MICAL3: variants seen among roughly 807,000 people sequenced by gnomAD.
MICAL3 encodes the protein [F-actin]-monooxygenase MICAL3.
MICAL3 carries 62 observed loss-of-function variants against 207.4 expected under a neutral mutation model. The observed-to-expected ratio is 0.30, with a 90% CI of 0.24 to 0.37. The LOEUF (loss-of-function observed/expected upper bound fraction) is 0.37. Ranked by LOEUF, MICAL3 falls within the 10% of genes least tolerant of loss-of-function variation. The pLI, the probability that MICAL3 is intolerant of heterozygous loss-of-function variation, is 1.00. For missense variants in MICAL3, 2,368 were observed against 2,635.6 expected (o/e 0.90, Z 2.22); for synonymous variants, 1,077 against 1,069.3 (o/e 1.01, Z -0.14).
intron 29 of MICAL3, among the ~76,000 whole-genome samples, chr22:17,795,079 C>T (rs1033541936): frequency 2.6e-5 from 4 of 152,200 alleles, no homozygotes; most frequent in Admixed American, 6.5e-5. Context: ...TCCAGCGTGG[C>T]GTACCTTGGG....
chr22:17,823,113 G>A lies in MICAL3; in HGVS notation c.3194-53C>T. 9.7e-6 allele frequency: 12 copies of A among 1,238,850 alleles called. No individual in the cohort carries two copies. In the South Asian group the frequency reaches 1.2e-4, roughly 12 times the overall value. The allele number at this position is 1,238,850 out of a possible 1,614,324, so 76.7% of individuals were successfully genotyped here. ...GAAGAAAAGGAGGACAGACAGACAG[G>A]CTGCATCTTCACGGGGGCGAGAGGT... On this transcript the variant is annotated intron_variant, in intron 22 of 31. Coordinates refer to ENST00000441493, the MANE Select transcript of MICAL3 (RefSeq NM_015241.3).
At chr22:17,835,142 G>A (rs918002667) in intron 20 of MICAL3, among the ~76,000 whole-genome samples, 4 of 152,202 alleles carry the variant, frequency 2.6e-5, no homozygotes, top group Non-Finnish European at 4.4e-5. Flanking sequence ...GCCCACAGCC[G>A]TGTCGCACCA....
chr22:17,963,321 A>T (rs1935001931), intron 1 of MICAL3, among the ~76,000 whole-genome samples: 1 of 152,110 alleles, frequency 6.6e-6, no homozygotes, highest in Non-Finnish European at 1.5e-5. Flanking sequence ...CATGTTGCCC[A>T]AGCTGGACAC....
intron 25 of MICAL3, 54 bp from the exon 26 acceptor site, chr22:17,819,183 C>T: frequency 1.4e-6 from 2 of 1,420,540 alleles, no homozygotes; most frequent in South Asian, 1.9e-5. Context: ...TCACGACCAG[C>T]AGCATCCTCG....
chr22:17,962,096 G>C (rs1412972625), intron 1 of MICAL3, among the ~76,000 whole-genome samples: 2 of 152,210 alleles, frequency 1.3e-5, no homozygotes, highest in African/African-American at 4.8e-5. Context: ...GGAGAGAGGG[G>C]TAGGTCTGTC....
chr22:17,838,432 C>CT (rs1923629001), intron 20 of MICAL3, among the ~76,000 whole-genome samples: 1 of 152,238 alleles, frequency 6.6e-6, no homozygotes, highest in Non-Finnish European at 1.5e-5. Flanking sequence ...GGCCCTGCCC[C>CT]TGGCCCTGTG....
At chr22:17,992,764 G>A (rs574498281) in intron 1 of MICAL3, among the ~76,000 whole-genome samples, 37 of 152,152 alleles carry the variant, frequency 2.4e-4, no homozygotes, top group African/African-American at 8.7e-4. Flanking sequence ...GTCTTTTTCT[G>A]CCCCATTCCT....
At chr22:17,876,730 G>GGGAGGTTAGGGAGGTTAT (rs1928410258) in intron 16 of MICAL3, 1 of 147,452 alleles carries the variant, frequency 6.8e-6, no homozygotes, top group Admixed American at 6.9e-5. Flanking sequence ...ATGGAGGTTA[G>GGGAGGTTAGGGAGGTTAT]GGAGCTTATG....
chr22:17,928,710 TTA>T (rs771850928), intron 1 of MICAL3, among the ~76,000 whole-genome samples: 12 of 152,208 alleles, frequency 7.9e-5, no homozygotes, highest in Non-Finnish European at 1.5e-4. Context: ...TACCGTGGCT[TTA>T]TATATTGTGT....
chr22:18,001,148 C>T (rs896858374), intron 1 of MICAL3: 1 of 152,106 alleles, frequency 6.6e-6, no homozygotes, highest in Non-Finnish European at 1.5e-5. Context: ...GGGGCTTCCT[C>T]GCGCCCCGCC....
At chr22:17,898,581 G>A (rs956052218) in intron 7 of MICAL3, among the ~76,000 whole-genome samples, 2 of 152,246 alleles carry the variant, frequency 1.3e-5, no homozygotes, top group African/African-American at 4.8e-5. Context: ...AGGACTCCCT[G>A]AAATTCAGCT....
intron 1 of MICAL3, among the ~76,000 whole-genome samples, chr22:17,962,117 TTGCTGAC>T (rs917674955): frequency 6.6e-6 from 1 of 152,198 alleles, no homozygotes; most frequent in African/African-American, 2.4e-5. Flanking sequence ...AATCGAGTGC[TTGCTGAC>T]TGCACATATC....
At chr22:17,936,671 C>A (rs1263741969) in intron 1 of MICAL3, among the ~76,000 whole-genome samples, 2 of 151,800 alleles carry the variant, frequency 1.3e-5, no homozygotes, top group African/African-American at 2.4e-5. Context: ...CAATGCCCAC[C>A]TAAAGGCTTA....
rs180965247 is a variant in MICAL3, at chr22:18,007,086, C to T, written c.-75+17195G>A. 2.6e-5 allele frequency: 4 copies of T among 152,306 alleles called. No individual in the cohort carries two copies. In the East Asian group the frequency reaches 7.7e-4, roughly 29 times the overall value. The allele number at this position is 152,306 out of a possible 1,614,324, so 9.4% of individuals were successfully genotyped here. Reference sequence around the variant, plus strand: ...GGCCAGGCTGGTCTTGAACTCCTGACCTCAGGTGAACTGCCCTCCTCAGCC... The same window carrying T: ...GGCCAGGCTGGTCTTGAACTCCTGATCTCAGGTGAACTGCCCTCCTCAGCC... On this transcript the variant is annotated intron_variant, in intron 1 of 31. Transcript: ENST00000441493.
At chr22:17,798,171 G>A (rs927094992) in intron 29 of MICAL3, among the ~76,000 whole-genome samples, 3 of 152,194 alleles carry the variant, frequency 2.0e-5, no homozygotes, top group Non-Finnish European at 4.4e-5. Context: ...TTTATGAGCC[G>A]AGCCACCATT....
chr22:17,822,657 C>A (rs12160832), intron 23 of MICAL3, among the ~76,000 whole-genome samples: 5,789 of 152,302 alleles, frequency 0.038, 347 homozygotes, highest in African/African-American at 0.13. Context: ...GATGCAGAAC[C>A]CATCTCCAGG....
At chr22:17,855,553 C>G (rs887953969) in intron 19 of MICAL3, among the ~76,000 whole-genome samples, 2 of 152,210 alleles carry the variant, frequency 1.3e-5, no homozygotes, top group African/African-American at 4.8e-5. Context: ...GAAGGGCTTA[C>G]TCTTCATAAC....
chr22:17,895,554 G>A, intron 9 of MICAL3, 144 bp from the exon 10 acceptor site: 6 of 919,908 alleles, frequency 6.5e-6, no homozygotes, highest in East Asian at 5.6e-5. Flanking sequence ...TGAGTCCTAC[G>A]TCAGCCCCTG....
intron 1 of MICAL3, among the ~76,000 whole-genome samples, chr22:17,951,982 C>T (rs540480862): frequency 5.3e-5 from 8 of 152,292 alleles, no homozygotes; most frequent in South Asian, 2.1e-4. Context: ...CAGGCGTGAG[C>T]GACTGTGCCG....
Sources: allele counts gnomAD v4.1 joint callset (sites outside exome capture counted in the v4.1 genomes callset), GRCh38; gene constraint gnomAD v4.1.1; transcripts MANE v1.5; gene names NCBI Gene and HGNC (gene_info 2026-07-23, HGNC 2026-07-21).